CIMAP3: variants seen among roughly 807,000 people sequenced by gnomAD.
CIMAP3 encodes the protein ciliary microtubule-associated protein 3.
At chr1:111,338,119 G>A in the CIMAP3 span, among the ~76,000 whole-genome samples, 1 of 150,042 alleles carries the variant, frequency 6.7e-6, no homozygotes, top group Admixed American at 6.6e-5. Flanking sequence ...CGAAATGAAG[G>A]CAGAAATAAA....
the CIMAP3 span, among the ~76,000 whole-genome samples, chr1:111,341,315 A>T: frequency 6.6e-6 from 1 of 152,136 alleles, no homozygotes; most frequent in East Asian, 1.9e-4. Context: ...ATATGTAACT[A>T]ACCTGCACAT....
At chr1:111,334,646 A>G in the CIMAP3 span, among the ~76,000 whole-genome samples, 2 of 152,242 alleles carry the variant, frequency 1.3e-5, 1 homozygote, top group Non-Finnish European at 2.9e-5. Flanking sequence ...CTCTAAGATA[A>G]CACAGAAAAG....
At chr1:111,347,693 ACTT>A in the CIMAP3 span, 1 of 1,607,360 alleles carries the variant, frequency 6.2e-7, no homozygotes, top group South Asian at 1.1e-5. Context: ...TTGGCATACG[ACTT>A]ATCTAAGATC....
chr1:111,331,633 T>G, the CIMAP3 span, among the ~76,000 whole-genome samples: 1 of 152,168 alleles, frequency 6.6e-6, no homozygotes, highest in African/African-American at 2.4e-5. Flanking sequence ...CTGCATTCTT[T>G]GTATCTCACT....
the CIMAP3 span, chr1:111,346,565 C>G: frequency 1.3e-5 from 21 of 1,600,002 alleles, no homozygotes; most frequent in Admixed American, 8.4e-5. Context: ...CCCTCTCCCC[C>G]TCCCCGCGCT....
At chr1:111,326,581 T>A in the CIMAP3 span, among the ~76,000 whole-genome samples, 1 of 152,186 alleles carries the variant, frequency 6.6e-6, no homozygotes, top group Admixed American at 6.5e-5. Context: ...TGAATACTGC[T>A]GCAATAAACA....
the CIMAP3 span, among the ~76,000 whole-genome samples, chr1:111,328,575 T>C: frequency 2.0e-5 from 3 of 152,258 alleles, no homozygotes; most frequent in South Asian, 2.1e-4. Flanking sequence ...GGCCTTCTTA[T>C]TGAATTGAAC....
the CIMAP3 span, among the ~76,000 whole-genome samples, chr1:111,338,167 T>C: frequency 6.6e-6 from 1 of 151,398 alleles, no homozygotes; most frequent in Non-Finnish European, 1.5e-5. Context: ...AGACACAACA[T>C]ACCGGAATCT....
the CIMAP3 span, among the ~76,000 whole-genome samples, chr1:111,335,432 G>A: frequency 6.0e-3 from 913 of 152,284 alleles, 5 homozygotes; most frequent in African/African-American, 0.021. Context: ...GGGTCAGGGA[G>A]TTCCCTTTCA....
At chr1:111,348,464 G>T in the CIMAP3 span, 23 of 1,483,928 alleles carry the variant, frequency 1.5e-5, no homozygotes, top group African/African-American at 2.8e-4. Context: ...GGCTTTATGT[G>T]TATATATATA....
the CIMAP3 span, chr1:111,324,858 C>T: frequency 2.0e-6 from 2 of 985,296 alleles, no homozygotes; most frequent in Non-Finnish European, 2.4e-6. Context: ...TATCATGGAT[C>T]AGACAGCCAT....
chr1:111,348,783 T>C, the CIMAP3 span: 31 of 855,958 alleles, frequency 3.6e-5, no homozygotes, highest in Middle Eastern at 2.4e-4. Flanking sequence ...AGAGATTTAA[T>C]CAATTGTCTC....
chr1:111,345,651 G>GT, the CIMAP3 span, among the ~76,000 whole-genome samples: 22 of 152,188 alleles, frequency 1.4e-4, no homozygotes, highest in Non-Finnish European at 2.9e-5. Flanking sequence ...CTAACGCGGA[G>GT]TATGTGTGGA....
the CIMAP3 span, chr1:111,347,799 C>T: frequency 2.6e-6 from 4 of 1,532,054 alleles, no homozygotes; most frequent in Non-Finnish European, 3.6e-6. Flanking sequence ...TTAGTGTTAT[C>T]CACGTTGTTG....
chr1:111,330,702 C>T, the CIMAP3 span, among the ~76,000 whole-genome samples: 1 of 152,224 alleles, frequency 6.6e-6, no homozygotes. Context: ...TATGTTTCTT[C>T]CTCACCATGG....
chr1:111,347,978 AGT>A, the CIMAP3 span, among the ~76,000 whole-genome samples: 1 of 152,206 alleles, frequency 6.6e-6, no homozygotes, highest in East Asian at 1.9e-4. Flanking sequence ...TACCGGGGAG[AGT>A]GGAAAACAAT....
the CIMAP3 span, among the ~76,000 whole-genome samples, chr1:111,339,867 T>A: frequency 1.3e-5 from 2 of 151,710 alleles, no homozygotes; most frequent in Non-Finnish European, 2.9e-5. Flanking sequence ...TTAAAGTTCA[T>A]ATGGAACCAA....
chr1:111,335,574 C>T, the CIMAP3 span, among the ~76,000 whole-genome samples: 37 of 152,250 alleles, frequency 2.4e-4, no homozygotes, highest in African/African-American at 6.0e-4. Flanking sequence ...GAGGGTCCTA[C>T]GCCCACGGAA....
At chr1:111,347,614 T>G in the CIMAP3 span, 2 of 1,152,548 alleles carry the variant, frequency 1.7e-6, no homozygotes, top group African/African-American at 1.7e-5. Flanking sequence ...ATGCGTTGTT[T>G]TTTCTTTCTT....
Sources: allele counts gnomAD v4.1 joint callset (sites outside exome capture counted in the v4.1 genomes callset), GRCh38; gene constraint gnomAD v4.1.1; transcripts MANE v1.5; gene names NCBI Gene and HGNC (gene_info 2026-07-23, HGNC 2026-07-21).